The following ROBO1 variants were observed in gnomAD, a reference collection of about 807,000 sequenced individuals.
ROBO1 encodes roundabout guidance receptor 1, also known as roundabout homolog 1.
ROBO1 carries 149 observed loss-of-function variants against 195.9 expected under a neutral mutation model. The ratio of observed to expected loss-of-function variants is 0.76; its 90% CI spans 0.67 to 0.87. The LOEUF is 0.87. ROBO1 is among the 40% of genes least tolerant of loss of function. The probability of loss-of-function intolerance (pLI) is 0.00; values close to 1 mark genes in which losing one functional copy is unlikely to be tolerated. For synonymous variants in ROBO1, 816 were observed against 733.2 expected (o/e 1.11, Z -1.82); for missense variants, 1,933 against 2,068.3 (o/e 0.93, Z 1.27).
intron 30 of ROBO1, 200 bp downstream of exon 30, chr3:78,599,913 G>T (rs1453182680): frequency 4.9e-6 from 3 of 616,206 alleles, no homozygotes; most frequent in Non-Finnish European, 8.7e-6. Context: ...CAAATAAACT[G>T]CCATTAACAT....
intron 2 of ROBO1, among the ~76,000 whole-genome samples, chr3:79,136,012 C>T (rs1370777045): frequency 1.3e-5 from 2 of 152,238 alleles, no homozygotes; most frequent in Non-Finnish European, 2.9e-5. Context: ...GATCTAAAGC[C>T]TTCTCCATAA....
At chr3:79,108,796 T>A (rs1009258741) in intron 3 of ROBO1, among the ~76,000 whole-genome samples, 14 of 151,890 alleles carry the variant, frequency 9.2e-5, no homozygotes, top group African/African-American at 3.1e-4. Context: ...GAATGGTAAT[T>A]TGGCTCAGTA....
intron 1 of ROBO1, among the ~76,000 whole-genome samples, chr3:79,717,074 A>G (rs2107269279): frequency 6.6e-6 from 1 of 152,130 alleles, no homozygotes. Flanking sequence ...AGCAGAAAAG[A>G]AAGCAAGTTA....
chr3:79,489,179 C>A (rs1469678088), intron 2 of ROBO1, among the ~76,000 whole-genome samples: 6 of 151,428 alleles, frequency 4.0e-5, no homozygotes, highest in Non-Finnish European at 7.4e-5. Context: ...TCAGACTAAT[C>A]AATTTAAGAT....
At chr3:78,656,512 A>G (rs954003113) in intron 18 of ROBO1, among the ~76,000 whole-genome samples, 1 of 151,656 alleles carries the variant, frequency 6.6e-6, no homozygotes, top group African/African-American at 2.4e-5. Flanking sequence ...CACCACACCC[A>G]GCTAGTTTTT....
At chr3:78,602,222 T>C (rs922811647) in intron 29 of ROBO1, among the ~76,000 whole-genome samples, 3 of 152,014 alleles carry the variant, frequency 2.0e-5, no homozygotes, top group Non-Finnish European at 2.9e-5. Flanking sequence ...CCCTTGATGA[T>C]AGGTGAGCTC....
chr3:78,643,347 A>G (rs1706084243), intron 21 of ROBO1, among the ~76,000 whole-genome samples: 1 of 152,220 alleles, frequency 6.6e-6, no homozygotes, highest in South Asian at 2.1e-4. Context: ...GCCATAATTC[A>G]CTGACCTCTG....
chr3:78,791,085 A>G (rs1687957968), intron 4 of ROBO1, among the ~76,000 whole-genome samples: 1 of 152,156 alleles, frequency 6.6e-6, no homozygotes, highest in African/African-American at 2.4e-5. Flanking sequence ...ACACAGAAAG[A>G]CCAGATCAAA....
At chr3:79,687,088 A>G (rs954618619) in intron 1 of ROBO1, among the ~76,000 whole-genome samples, 1 of 152,174 alleles carries the variant, frequency 6.6e-6, no homozygotes, top group African/African-American at 2.4e-5. Context: ...CTGATCTTTG[A>G]CAAACCTGAG....
chr3:79,378,053 C>T (rs2036444957), intron 2 of ROBO1, among the ~76,000 whole-genome samples: 1 of 151,830 alleles, frequency 6.6e-6, no homozygotes, highest in Non-Finnish European at 1.5e-5. Context: ...TTTTTAACCT[C>T]CAATATATAT....
rs917752366 is a variant in ROBO1, at chr3:79,033,665, C to G, written c.172+91791G>C. Among the ~76,000 whole-genome samples the G allele has an allele frequency of 1.4e-4, 22 of 152,074 alleles. 1 individual carries two copies. The highest frequency in any genetic ancestry group is 5.3e-4 in the African/African-American group (22 of 41,420). The stretch of plus-strand genomic sequence containing the variant: ...GATACAGACTTTATCATTAGGGTGG[C>G]CTTGCTGGTTTTTCTAAAATGCACT... On this transcript the variant is annotated intron_variant, in intron 3 of 30. Coordinates refer to ENST00000464233, the MANE Select transcript of ROBO1 (RefSeq NM_002941.4).
At chr3:79,647,979 A>C (rs1945883998) in intron 1 of ROBO1, among the ~76,000 whole-genome samples, 1 of 152,104 alleles carries the variant, frequency 6.6e-6, no homozygotes, top group Admixed American at 6.6e-5. Flanking sequence ...GACCAAAAAT[A>C]TGCCTTAGGA....
intron 4 of ROBO1, among the ~76,000 whole-genome samples, chr3:78,806,482 G>C (rs1205587837): frequency 2.0e-5 from 3 of 152,140 alleles, no homozygotes; most frequent in Admixed American, 1.3e-4. Context: ...AAAGAAGACA[G>C]AGCCTACTTA....
intron 2 of ROBO1, among the ~76,000 whole-genome samples, chr3:79,258,549 GCTGT>G (rs1343291061): frequency 1.3e-5 from 2 of 152,106 alleles, no homozygotes; most frequent in South Asian, 2.1e-4. Flanking sequence ...TTTATCTAAT[GCTGT>G]CTATGCCAAT....
chr3:78,785,956 A>G (rs1202536642), intron 4 of ROBO1, among the ~76,000 whole-genome samples: 2 of 152,182 alleles, frequency 1.3e-5, no homozygotes, highest in Non-Finnish European at 2.9e-5. Context: ...CAAAATCAGA[A>G]CCAATATTTC....
At chr3:79,383,533 C>T (rs2036639635) in intron 2 of ROBO1, among the ~76,000 whole-genome samples, 1 of 152,014 alleles carries the variant, frequency 6.6e-6, no homozygotes, top group Admixed American at 6.6e-5. Flanking sequence ...ACACTCACAA[C>T]AGTCAGTCTC....
intron 1 of ROBO1, among the ~76,000 whole-genome samples, chr3:79,744,797 C>T (rs757601746): frequency 1.3e-5 from 2 of 151,820 alleles, no homozygotes; most frequent in Non-Finnish European, 2.9e-5. Flanking sequence ...ACAAAGAGCC[C>T]CTTATTCACA....
At chr3:79,211,002 T>C (rs544717884) in intron 2 of ROBO1, among the ~76,000 whole-genome samples, 17 of 152,214 alleles carry the variant, frequency 1.1e-4, no homozygotes, top group Non-Finnish European at 2.4e-4. Flanking sequence ...ATAATATTAA[T>C]ACATAAAAAC....
intron 2 of ROBO1, among the ~76,000 whole-genome samples, chr3:79,573,333 T>A (rs907029804): frequency 6.6e-6 from 1 of 152,122 alleles, no homozygotes; most frequent in Non-Finnish European, 1.5e-5. Context: ...TGACAAAATT[T>A]TTTTTCACAA....
Sources: allele counts gnomAD v4.1 joint callset (sites outside exome capture counted in the v4.1 genomes callset), GRCh38; gene constraint gnomAD v4.1.1; transcripts MANE v1.5; gene names NCBI Gene and HGNC (gene_info 2026-07-23, HGNC 2026-07-21).